Variants in GRAMD1B observed in about 807,000 individuals in gnomAD.
GRAMD1B encodes GRAM domain containing 1B.
GRAMD1B carries 37 observed loss-of-function variants against 99.7 expected under a neutral mutation model. The ratio of observed to expected loss-of-function variants is 0.37; its 90% CI spans 0.29 to 0.49. The LOEUF (loss-of-function observed/expected upper bound fraction) is 0.49, where lower values mean the gene tolerates loss of function less well. Ranked by LOEUF, GRAMD1B falls within the 20% of genes least tolerant of loss-of-function variation. The pLI is 0.98. For synonymous variants in GRAMD1B, 427 were observed against 387.6 expected, an observed-to-expected ratio of 1.10 and a Z score of -1.19; for missense variants, 888 against 1,009.2, an observed-to-expected ratio of 0.88 and a Z score of 1.63.
At chr11:123,576,924 T>C (rs747097160) in intron 2 of GRAMD1B, among the ~76,000 whole-genome samples, 21 of 152,266 alleles carry the variant, frequency 1.4e-4, no homozygotes, top group Non-Finnish European at 1.9e-4. Flanking sequence ...GTAATTGTTA[T>C]TTTCATGAAC....
rs560915033 is a variant in GRAMD1B, at chr11:123,587,363, C to G, written c.684+3031C>G. Reference sequence around the variant, plus strand: ...TATGTACTCCTCCTTACCCCCGAAGCCCCAGTCTACCACCCCAGTCATATT... The same window carrying G: ...TATGTACTCCTCCTTACCCCCGAAGGCCCAGTCTACCACCCCAGTCATATT... On this transcript the variant is annotated intron_variant, in intron 4 of 19. Transcript: ENST00000635736. The surrounding 1 kb of genome is among the most constrained non-coding windows in gnomAD (Gnocchi z 4.2). 4.6e-5 allele frequency among the ~76,000 whole-genome samples: 7 copies of G among 152,178 alleles called. No homozygotes were observed. Among genetic ancestry groups the G allele is most frequent in the Non-Finnish European group, 1.0e-4 (7 of 68,022 alleles).
chr11:123,363,995 A>G (rs1946234884), intron 1 of GRAMD1B, among the ~76,000 whole-genome samples: 1 of 152,176 alleles, frequency 6.6e-6, no homozygotes. Flanking sequence ...TCAATCGGAC[A>G]TGGTTGGTTG....
chr11:123,404,604 G>T (rs1441941946), intron 1 of GRAMD1B, among the ~76,000 whole-genome samples: 1 of 152,140 alleles, frequency 6.6e-6, no homozygotes, highest in African/African-American at 2.4e-5. Flanking sequence ...CTAGGGTTAG[G>T]GTAGTACTCT....
chr11:123,524,917 G>A (rs1416018911), intron 2 of GRAMD1B, among the ~76,000 whole-genome samples: 3 of 151,972 alleles, frequency 2.0e-5, no homozygotes, highest in Non-Finnish European at 4.4e-5. Context: ...ATATAGCCAG[G>A]GAAGTTGTTG....
At chr11:123,400,676 G>A (rs1363209259) in intron 1 of GRAMD1B, among the ~76,000 whole-genome samples, 3 of 151,894 alleles carry the variant, frequency 2.0e-5, no homozygotes, top group African/African-American at 7.3e-5. Context: ...CATTCATGAG[G>A]GCTCCACCCT....
chr11:123,554,532 A>G (rs1487860569), intron 2 of GRAMD1B, among the ~76,000 whole-genome samples: 3 of 128,450 alleles, frequency 2.3e-5, no homozygotes, highest in Non-Finnish European at 5.3e-5. Flanking sequence ...TTACAAAAAA[A>G]AAAAAAAAAA....
chr11:123,512,226 C>A (rs78441043), intron 2 of GRAMD1B, among the ~76,000 whole-genome samples: 9,001 of 152,260 alleles, frequency 0.059, 878 homozygotes, highest in African/African-American at 0.2. Context: ...GCAGTTTGCT[C>A]TCTGGTGGGA....
intron 1 of GRAMD1B, among the ~76,000 whole-genome samples, chr11:123,477,478 G>A (rs1244247204): frequency 7.9e-5 from 12 of 151,802 alleles, no homozygotes; most frequent in African/African-American, 2.9e-4. Flanking sequence ...TCTTTGCAGT[G>A]TTAAGGCATC....
chr11:123,530,539 C>T (rs962701586), intron 2 of GRAMD1B, among the ~76,000 whole-genome samples: 2 of 152,188 alleles, frequency 1.3e-5, no homozygotes, highest in African/African-American at 2.4e-5. Flanking sequence ...CGCCACCACA[C>T]CCAGCTAATT....
rs1323881333 is a variant in GRAMD1B at position 123,507,102 on chromosome 11, T to C, written c.452+26209T>C. Among the ~76,000 whole-genome samples, 20 of 152,228 alleles carry C rather than the reference T, an allele frequency of 1.3e-4. No homozygotes were observed. In the East Asian group the frequency reaches 3.7e-3, roughly 28 times the overall value. ...CATGGATCTGATTTCTGTGTGACTT[T>C]GATGTAATAGAACATCCTTCTCCAT... On this transcript the variant is annotated intron_variant, in intron 2 of 19. Transcript: ENST00000635736.
intron 14 of GRAMD1B, among the ~76,000 whole-genome samples, chr11:123,612,272 T>C (rs886901921): frequency 1.1e-4 from 16 of 152,128 alleles, no homozygotes; most frequent in Admixed American, 5.2e-4. Context: ...TTGCCCAGGA[T>C]GACATACTTT....
In GRAMD1B at chr11:123,501,448, G is replaced by A. The variant is rs1245018959; in HGVS notation, c.452+20555G>A. On this transcript the variant is annotated intron_variant, in intron 2 of 19. Transcript: ENST00000635736. ...GGCCTCCCAAAGAGCTGGGATTACAGGTGTGAGCCACTGCGCCAGCCTGGA... is the reference window on the plus strand; with the variant it reads ...GGCCTCCCAAAGAGCTGGGATTACAAGTGTGAGCCACTGCGCCAGCCTGGA... Among the ~76,000 whole-genome samples the A allele has an allele frequency of 2.6e-5, 4 of 152,312 alleles. No individual in the cohort carries two copies. The East Asian group carries it at 7.7e-4, about 29-fold the overall frequency.
intron 1 of GRAMD1B, among the ~76,000 whole-genome samples, chr11:123,388,457 G>A (rs1947152553): frequency 6.6e-6 from 1 of 152,026 alleles, no homozygotes; most frequent in South Asian, 2.1e-4. Flanking sequence ...CAGATCACTT[G>A]AGTCCAGGAG....
rs191013254 is a variant in GRAMD1B, at chr11:123,407,342, G to A, written c.-176+48543G>A. Among the ~76,000 whole-genome samples, 14 of 151,736 alleles carry A rather than the reference G, an allele frequency of 9.2e-5. No homozygotes were observed. The East Asian group carries it at 1.6e-3, about 17-fold the overall frequency. On this transcript the variant is annotated intron_variant, in intron 1 of 20. Coordinates refer to the GRAMD1B transcript ENST00000638157. ...AAGGCAGTTCACATTAAAAGCTTCC[G>A]TTTTGGCTTCTTGACATATCCGTCT... is the stretch of plus-strand genomic sequence containing the variant.
At chr11:123,370,443 T>C (rs1946487827) in intron 1 of GRAMD1B, among the ~76,000 whole-genome samples, 1 of 144,694 alleles carries the variant, frequency 6.9e-6, no homozygotes, top group Admixed American at 7.0e-5. Flanking sequence ...CAGGCTCAAG[T>C]GATTATCCCA....
intron 1 of GRAMD1B, among the ~76,000 whole-genome samples, chr11:123,367,463 G>A (rs986331022): frequency 2.0e-5 from 3 of 152,184 alleles, no homozygotes; most frequent in East Asian, 3.9e-4. Context: ...GTTCTAAAAG[G>A]TGAGTAGGCG....
At chr11:123,361,421 C>T (rs1946143221) in intron 1 of GRAMD1B, among the ~76,000 whole-genome samples, 1 of 152,194 alleles carries the variant, frequency 6.6e-6, no homozygotes. Context: ...GTCACCCATT[C>T]TGCTTGCCCT....
chr11:123,546,574 A>G (rs1480958468), intron 2 of GRAMD1B, among the ~76,000 whole-genome samples: 2 of 152,202 alleles, frequency 1.3e-5, no homozygotes, highest in Non-Finnish European at 2.9e-5. Context: ...CCCAGCTTCA[A>G]TCTGCCCCTG....
At chr11:123,516,148 A>G (rs1591784064) in intron 2 of GRAMD1B, among the ~76,000 whole-genome samples, 3 of 152,190 alleles carry the variant, frequency 2.0e-5, no homozygotes, top group Non-Finnish European at 4.4e-5. Flanking sequence ...AAACCCCATC[A>G]TGGTACACGC....
Sources: gnomAD v4.1 joint callset for allele counts (sites outside exome capture counted in the v4.1 genomes callset) on GRCh38, gnomAD v4.1.1 for gene constraint, Gnocchi (gnomAD v3.1) non-coding constraint, MANE v1.5 for transcripts, NCBI Gene and HGNC (gene_info 2026-07-23, HGNC 2026-07-21) for gene names.